The following SLX9 variants were observed in gnomAD, a reference collection of about 807,000 sequenced individuals.
The protein encoded by SLX9 is SLX9 ribosome biogenesis factor.
Under a neutral mutation model 20.8 loss-of-function variants are expected in SLX9, and 19 were observed. That is an observed-to-expected ratio of 0.91 (90% confidence interval 0.64 to 1.34). SLX9 has a LOEUF of 1.34. SLX9 is among the 40% of genes most tolerant of loss of function. The probability of loss-of-function intolerance (pLI) is 0.00; values close to 1 mark genes in which losing one functional copy is unlikely to be tolerated. For missense variants in SLX9, 299 were observed against 322.2 expected, an observed-to-expected ratio of 0.93 and a Z score of 0.55; for synonymous variants, 113 against 137.1, an observed-to-expected ratio of 0.82 and a Z score of 1.23.
intron 5 of SLX9, among the ~76,000 whole-genome samples, chr21:44,975,281 G>C (rs942549108): frequency 6.6e-6 from 1 of 152,194 alleles, no homozygotes; most frequent in Non-Finnish European, 1.5e-5. Context: ...TGGAGCTGGT[G>C]GTCCGTGCCC....
rs141803425 is a variant in SLX9 at position 44,959,400 on chromosome 21, G to A, written c.284-700G>A. On this transcript the variant is annotated intron_variant, in intron 2 of 5. Coordinates refer to ENST00000291634, the MANE Select transcript of SLX9 (RefSeq NM_058190.4). ...TTCAGAGCAAACTGGAGTCAGAGAC[G>A]CAGCACCCAGTGCCCTCTCCACCTG... is the stretch of plus-strand genomic sequence containing the variant. 9 of 294,800 alleles carry A rather than the reference G, an allele frequency of 3.1e-5. No homozygotes were observed. The Admixed American group carries it at 3.9e-4, about 13-fold the overall frequency. The allele number at this position is 294,800 out of a possible 1,614,324, so 18.3% of individuals were successfully genotyped here.
chr21:44,976,615 G>A (rs965738630), intron 5 of SLX9, 65 bp from the exon 6 acceptor site: 11 of 1,535,904 alleles, frequency 7.2e-6, no homozygotes, highest in African/African-American at 6.9e-5. Flanking sequence ...TGACGTTTCC[G>A]GGTGTTGAGG....
At chr21:44,947,270 T>G (rs1601376930) in intron 2 of SLX9, among the ~76,000 whole-genome samples, 1 of 152,186 alleles carries the variant, frequency 6.6e-6, no homozygotes, top group Admixed American at 6.5e-5. Context: ...GCTATGGAGG[T>G]GAGGTGGCGG....
intron 2 of SLX9, chr21:44,959,320 T>C (rs1290440562): frequency 3.3e-5 from 31 of 949,126 alleles, no homozygotes; most frequent in Non-Finnish European, 3.6e-5. Flanking sequence ...GGCTGAACCG[T>C]CTCGGGAAAT....
At chr21:44,957,684 C>T (rs1010269831) in intron 2 of SLX9, among the ~76,000 whole-genome samples, 2 of 152,212 alleles carry the variant, frequency 1.3e-5, no homozygotes, top group African/African-American at 4.8e-5. Context: ...GTGGATGGCA[C>T]CTGCAGCATG....
intron 4 of SLX9, among the ~76,000 whole-genome samples, chr21:44,971,770 G>T (rs1469986713): frequency 6.6e-6 from 1 of 152,196 alleles, no homozygotes; most frequent in Non-Finnish European, 1.5e-5. Context: ...TGAGGGAGCT[G>T]CTGCTCAGGG....
intron 2 of SLX9, among the ~76,000 whole-genome samples, chr21:44,947,547 A>G (rs554089985): frequency 7.6e-6 from 1 of 131,760 alleles, no homozygotes; most frequent in East Asian, 2.1e-4. Flanking sequence ...CATCGTTCCT[A>G]TCCTGTGACT....
At chr21:44,945,021 G>A (rs2084617315) in intron 2 of SLX9, among the ~76,000 whole-genome samples, 1 of 152,232 alleles carries the variant, frequency 6.6e-6, no homozygotes, top group Non-Finnish European at 1.5e-5. Context: ...TGGTCTGGTG[G>A]GAAGGCTGGG....
At chr21:44,954,803 GTTTGTTCCAGT>G (rs1357175065) in intron 2 of SLX9, among the ~76,000 whole-genome samples, 2 of 152,190 alleles carry the variant, frequency 1.3e-5, no homozygotes, top group Non-Finnish European at 2.9e-5. Flanking sequence ...GCGGTGCCTG[GTTTGTTCCAGT>G]TTTGTTCCAG....
chr21:44,956,630 G>A (rs1049036683), intron 2 of SLX9, among the ~76,000 whole-genome samples: 1 of 152,238 alleles, frequency 6.6e-6, no homozygotes, highest in Non-Finnish European at 1.5e-5. Flanking sequence ...TCTGTCCTGA[G>A]CCTCATGCAG....
At chr21:44,943,571 C>A in intron 1 of SLX9, 113 bp from the exon 2 acceptor site, 1 of 1,411,102 alleles carries the variant, frequency 7.1e-7, no homozygotes, top group Non-Finnish European at 9.7e-7. Context: ...GGCAGAGAAG[C>A]TGGGGAATCC....
At chr21:44,962,982 C>T (rs2084970866) in intron 3 of SLX9, among the ~76,000 whole-genome samples, 1 of 151,962 alleles carries the variant, frequency 6.6e-6, no homozygotes, top group Admixed American at 6.5e-5. Context: ...GGCTTTTTGT[C>T]TTTTTATTAT....
chr21:44,975,951 G>A (rs2085252999), intron 5 of SLX9, among the ~76,000 whole-genome samples: 1 of 152,256 alleles, frequency 6.6e-6, no homozygotes, highest in African/African-American at 2.4e-5. Context: ...CCTTGCACAA[G>A]GCTCCGTGCA....
At chr21:44,956,521 T>C (rs1017728135) in intron 2 of SLX9, among the ~76,000 whole-genome samples, 3 of 151,938 alleles carry the variant, frequency 2.0e-5, no homozygotes, top group Non-Finnish European at 4.4e-5. Context: ...GTGACCTGGG[T>C]GGTGTTGGCA....
In SLX9 at chr21:44,960,882, G is replaced by A. The variant is rs928496721; in HGVS notation, c.352+714G>A. Among the ~76,000 whole-genome samples the A allele has an allele frequency of 7.2e-5, 11 of 152,246 alleles. No homozygotes were observed. The East Asian group carries it at 1.7e-3, about 24-fold the overall frequency. ...TCGTCAAAATTATTTTGTATTTTTC[G>A]GTTATCTTTTTAGTGTGATTCTGCT... On this transcript the variant is annotated intron_variant, in intron 3 of 5. Coordinates refer to ENST00000291634, the MANE Select transcript of SLX9 (RefSeq NM_058190.4).
intron 2 of SLX9, among the ~76,000 whole-genome samples, chr21:44,950,412 T>A (rs1189549736): frequency 1.3e-5 from 2 of 152,256 alleles, no homozygotes; most frequent in Non-Finnish European, 2.9e-5. Flanking sequence ...TGGGGTCAGA[T>A]GGCCTCGGCT....
At chr21:44,973,173 C>T in intron 4 of SLX9, 24 bp from the exon 5 acceptor site, 1 of 1,612,970 alleles carries the variant, frequency 6.2e-7, no homozygotes, top group Non-Finnish European at 8.5e-7. Context: ...GATGCTGACT[C>T]ACGTGGCTTC....
intron 4 of SLX9, among the ~76,000 whole-genome samples, chr21:44,967,926 G>A (rs1201664021): frequency 6.6e-6 from 1 of 152,144 alleles, no homozygotes; most frequent in Non-Finnish European, 1.5e-5. Context: ...GTCTGGATGT[G>A]GTTTGTTCTT....
intron 4 of SLX9, among the ~76,000 whole-genome samples, 158 bp downstream of exon 4, chr21:44,967,339 C>A (rs947598057): frequency 1.3e-5 from 2 of 152,228 alleles, no homozygotes; most frequent in Non-Finnish European, 2.9e-5. Flanking sequence ...GTACCCTGTT[C>A]TCAGGGCGTG....
Sources: gnomAD v4.1 joint callset for allele counts (sites outside exome capture counted in the v4.1 genomes callset) on GRCh38, gnomAD v4.1.1 for gene constraint, MANE v1.5 for transcripts, NCBI Gene and HGNC (gene_info 2026-07-23, HGNC 2026-07-21) for gene names.